The following TMEM132D variants were observed in gnomAD, a reference collection of about 807,000 sequenced individuals.
TMEM132D encodes mature OL transmembrane protein.
A neutral mutation model predicts 62.3 loss-of-function variants in TMEM132D; 21 were observed. The observed-to-expected ratio is 0.34, with a 90% CI of 0.24 to 0.49. The LOEUF is 0.49. Ranked by LOEUF, TMEM132D falls within the 20% of genes least tolerant of loss-of-function variation. TMEM132D has a pLI of 0.99. For missense variants in TMEM132D, 1,346 were observed against 1,402.8 expected (o/e 0.96, Z 0.65); for synonymous variants, 621 against 575.6 (o/e 1.08, Z -1.13).
chr12:129,254,081 A>G (rs1880340321), intron 4 of TMEM132D, among the ~76,000 whole-genome samples: 1 of 152,210 alleles, frequency 6.6e-6, no homozygotes, highest in Admixed American at 6.5e-5. Flanking sequence ...ACTGTGGGAG[A>G]TGCAGGGCCC....
At chr12:129,791,486 GACTC>G (rs1871399712) in intron 1 of TMEM132D, among the ~76,000 whole-genome samples, 1 of 152,258 alleles carries the variant, frequency 6.6e-6, no homozygotes, top group South Asian at 2.1e-4. Flanking sequence ...TATTCATTCT[GACTC>G]ACTGTCAAGC....
At chr12:129,206,124 G>T (rs1001553747) in intron 5 of TMEM132D, among the ~76,000 whole-genome samples, 1 of 152,146 alleles carries the variant, frequency 6.6e-6, no homozygotes, top group Admixed American at 6.5e-5. Context: ...AAAGTTAAGA[G>T]CATCTGCAGA....
At chr12:129,518,580 C>T (rs978360201) in intron 3 of TMEM132D, among the ~76,000 whole-genome samples, 29 of 144,724 alleles carry the variant, frequency 2.0e-4, no homozygotes, top group Non-Finnish European at 3.5e-4. Flanking sequence ...CACACACACA[C>T]ATATATATAA....
chr12:129,645,869 T>TCTATGG (rs780905483), intron 2 of TMEM132D, among the ~76,000 whole-genome samples: 23 of 152,198 alleles, frequency 1.5e-4, no homozygotes, highest in Non-Finnish European at 2.6e-4. Context: ...GTTTACAAAT[T>TCTATGG]CTATGGCAAC....
intron 4 of TMEM132D, among the ~76,000 whole-genome samples, chr12:129,220,884 TA>T (rs1434979343): frequency 1.6e-4 from 20 of 123,972 alleles, no homozygotes; most frequent in African/African-American, 7.0e-4. Flanking sequence ...GCGTAATATT[TA>T]AAAATGAAAA....
At chr12:129,142,984 T>C (rs7965302) in intron 5 of TMEM132D, among the ~76,000 whole-genome samples, 101,234 of 151,792 alleles carry the variant, frequency 0.67, 34,279 homozygotes, top group Non-Finnish European at 0.69. Flanking sequence ...TCTGCTCTAA[T>C]CAAAACAAGC....
intron 1 of TMEM132D, among the ~76,000 whole-genome samples, chr12:129,800,855 C>T (rs574165747): frequency 9.9e-5 from 15 of 152,218 alleles, no homozygotes; most frequent in African/African-American, 2.6e-4. Flanking sequence ...TCAGTGGGTG[C>T]GCGCACCGTG....
chr12:129,340,558 TTTGG>T (rs1276136927), intron 3 of TMEM132D, among the ~76,000 whole-genome samples: 1 of 151,804 alleles, frequency 6.6e-6, no homozygotes, highest in African/African-American at 2.4e-5. Context: ...ACATGCGGTG[TTTGG>T]TTTTTTGTCC....
chr12:129,269,781 G>A (rs557554222), intron 4 of TMEM132D, among the ~76,000 whole-genome samples: 3 of 152,052 alleles, frequency 2.0e-5, no homozygotes, highest in Admixed American at 6.6e-5. Context: ...TTATTCGGTC[G>A]CAGTTGCATG....
intron 2 of TMEM132D, among the ~76,000 whole-genome samples, chr12:129,565,824 G>A (rs1274099082): frequency 6.6e-6 from 1 of 152,182 alleles, no homozygotes; most frequent in Non-Finnish European, 1.5e-5. Context: ...TTTCTCCTAA[G>A]AAGACTGAGA....
At chr12:129,227,390 A>G (rs981935422) in intron 4 of TMEM132D, among the ~76,000 whole-genome samples, 3 of 145,614 alleles carry the variant, frequency 2.1e-5, no homozygotes, top group Non-Finnish European at 4.5e-5. Context: ...GTTTCAATGC[A>G]CTGTGTTAGG....
At chr12:129,366,033 T>C (rs1870401225) in intron 3 of TMEM132D, among the ~76,000 whole-genome samples, 1 of 152,168 alleles carries the variant, frequency 6.6e-6, no homozygotes, top group African/African-American at 2.4e-5. Flanking sequence ...GTACTCATTC[T>C]ATATTTTAAT....
chr12:129,787,881 G>A (rs946917535), intron 1 of TMEM132D, among the ~76,000 whole-genome samples: 4 of 152,204 alleles, frequency 2.6e-5, no homozygotes, highest in African/African-American at 9.6e-5. Flanking sequence ...GGAGGCTGCT[G>A]CAGGACAGAG....
intron 1 of TMEM132D, among the ~76,000 whole-genome samples, chr12:129,767,821 T>A (rs4362181): frequency 0.95 from 144,110 of 152,272 alleles, 68,471 homozygotes; most frequent in Non-Finnish European, 1. Flanking sequence ...GACATAAAGA[T>A]TTACCAAGAC....
intron 2 of TMEM132D, among the ~76,000 whole-genome samples, chr12:129,607,784 T>C (rs1878668862): frequency 1.3e-5 from 2 of 152,224 alleles, no homozygotes; most frequent in Admixed American, 6.5e-5. Context: ...GGAGTACCTG[T>C]AGATTTCATA....
Position 129,539,671 on chromosome 12 carries a change from C to CA in TMEM132D, c.969-8467dup, listed in dbSNP as rs1281383722. Among the ~76,000 whole-genome samples the CA allele has an allele frequency of 3.3e-5, 5 of 151,814 alleles. 1 individual carries two copies. The highest frequency in any genetic ancestry group is 9.7e-5 in the African/African-American group (4 of 41,306). ...AAGTGATCTGCCTGCTTCAGCCTCT[C>CA]AAAGTGTTGGGATTACAGGCGTGAG... On this transcript the variant is annotated intron_variant, in intron 2 of 8. Transcript: ENST00000422113.
At chr12:129,674,724 A>G (rs1880587737) in intron 2 of TMEM132D, among the ~76,000 whole-genome samples, 1 of 152,066 alleles carries the variant, frequency 6.6e-6, no homozygotes. Flanking sequence ...TATTTTTAGT[A>G]CAGATGGGGT....
intron 1 of TMEM132D, among the ~76,000 whole-genome samples, chr12:129,759,514 C>T (rs1266334382): frequency 1.3e-5 from 2 of 152,154 alleles, no homozygotes; most frequent in East Asian, 3.9e-4. Context: ...TAGGCAGGTT[C>T]GTTCACTGCT....
intron 1 of TMEM132D, among the ~76,000 whole-genome samples, chr12:129,838,816 C>T (rs964071269): frequency 1.2e-4 from 19 of 152,066 alleles, no homozygotes; most frequent in African/African-American, 4.3e-4. Context: ...TCTTTTTTCC[C>T]CTTAATTATA....
Sources: gnomAD v4.1 joint callset for allele counts (sites outside exome capture counted in the v4.1 genomes callset) on GRCh38, gnomAD v4.1.1 for gene constraint, MANE v1.5 for transcripts, NCBI Gene and HGNC (gene_info 2026-07-23, HGNC 2026-07-21) for gene names.